Variants in FBXW8 observed in about 807,000 individuals in gnomAD.
FBXW8 encodes the protein F-box/WD repeat-containing protein 8.
Under a neutral mutation model 65.3 loss-of-function variants are expected in FBXW8, and 57 were observed. The observed-to-expected ratio is 0.87, with a 90% CI of 0.71 to 1.09. FBXW8 has a LOEUF of 1.09. Ranked by LOEUF, FBXW8 falls within the 50% of genes least tolerant of loss-of-function variation. The pLI is 0.00. For synonymous variants in FBXW8, 308 were observed against 330.2 expected (o/e 0.93, Z 0.73); for missense variants, 777 against 814.8 (o/e 0.95, Z 0.57).
intron 6 of FBXW8, 21 bp from the exon 7 acceptor site, chr12:116,988,642 A>G: frequency 1.2e-6 from 2 of 1,612,012 alleles, no homozygotes; most frequent in Non-Finnish European, 1.7e-6. Context: ...ATGGGACTAA[A>G]CAACTCTTAC....
At chr12:117,003,099 G>A (rs1384134759) in intron 7 of FBXW8, 1 of 152,178 alleles carries the variant, frequency 6.6e-6, no homozygotes, top group African/African-American at 2.4e-5. Flanking sequence ...CTGAATAAAA[G>A]TGTACCTGGC....
At chr12:116,948,784 TCA>T (rs981743675) in intron 3 of FBXW8, 1 of 152,240 alleles carries the variant, frequency 6.6e-6, no homozygotes, top group Non-Finnish European at 1.5e-5. Flanking sequence ...AGATAGGTTC[TCA>T]CTCTCTTGCC....
At chr12:116,991,588 G>A (rs1289399553) in intron 7 of FBXW8, among the ~76,000 whole-genome samples, 1 of 152,226 alleles carries the variant, frequency 6.6e-6, no homozygotes, top group Non-Finnish European at 1.5e-5. Flanking sequence ...TTAGGCTGGT[G>A]TGAGACTATT....
intron 4 of FBXW8, among the ~76,000 whole-genome samples, chr12:116,952,175 A>G (rs1448591054): frequency 6.6e-6 from 1 of 152,170 alleles, no homozygotes; most frequent in Non-Finnish European, 1.5e-5. Context: ...ACAGCGTTTT[A>G]GTCAATGATG....
intron 4 of FBXW8, among the ~76,000 whole-genome samples, chr12:116,953,358 G>A (rs1321037505): frequency 6.6e-6 from 1 of 152,206 alleles, no homozygotes; most frequent in Non-Finnish European, 1.5e-5. Flanking sequence ...TGTTTCTGCA[G>A]CATCCACAGG....
At chr12:116,957,767 G>T (rs769936493) in intron 4 of FBXW8, among the ~76,000 whole-genome samples, 1 of 152,146 alleles carries the variant, frequency 6.6e-6, no homozygotes, top group East Asian at 1.9e-4. Context: ...TAAGGAACTC[G>T]ATCATTACCC....
chr12:117,023,251 G>A (rs538429387), intron 8 of FBXW8, among the ~76,000 whole-genome samples: 11 of 152,324 alleles, frequency 7.2e-5, no homozygotes, highest in Admixed American at 6.5e-5. Context: ...TCAGACGTGC[G>A]TTTTTAATCT....
intron 1 of FBXW8, among the ~76,000 whole-genome samples, chr12:116,923,517 T>G (rs565626825): frequency 1.3e-5 from 2 of 151,932 alleles, no homozygotes; most frequent in African/African-American, 4.8e-5. Context: ...TGCAAAATTA[T>G]TTTCTTTTTT....
intron 7 of FBXW8, among the ~76,000 whole-genome samples, chr12:117,002,175 G>C (rs1953539201): frequency 6.6e-6 from 1 of 152,236 alleles, no homozygotes; most frequent in Admixed American, 6.5e-5. Context: ...GGCACTGCCT[G>C]CCCGGGAAGA....
At chr12:116,912,171 GT>G (rs57142470) in intron 1 of FBXW8, among the ~76,000 whole-genome samples, 85,991 of 130,948 alleles carry the variant, frequency 0.66, 28,886 homozygotes, top group Non-Finnish European at 0.76. Context: ...TTTTTTTCCT[GT>G]TTTTTTTTTT....
intron 7 of FBXW8, among the ~76,000 whole-genome samples, chr12:117,005,404 G>T (rs1418613398): frequency 6.6e-6 from 1 of 152,158 alleles, no homozygotes; most frequent in East Asian, 1.9e-4. Context: ...TGAATGATAG[G>T]ATCTCTGTCC....
chr12:117,001,264 C>T (rs1953513549), intron 7 of FBXW8, among the ~76,000 whole-genome samples: 1 of 152,170 alleles, frequency 6.6e-6, no homozygotes, highest in African/African-American at 2.4e-5. Flanking sequence ...ACCTGCTGCC[C>T]TCCACCAAAG....
At chr12:116,925,395 A>G (rs1230372551) in intron 1 of FBXW8, among the ~76,000 whole-genome samples, 2 of 152,210 alleles carry the variant, frequency 1.3e-5, no homozygotes, top group African/African-American at 2.4e-5. Flanking sequence ...TGCAGTATCT[A>G]TGGCAAGGAC....
At chr12:117,027,726 C>T (rs1954267802) in intron 10 of FBXW8, among the ~76,000 whole-genome samples, 1 of 152,360 alleles carries the variant, frequency 6.6e-6, no homozygotes, top group African/African-American at 2.4e-5. Flanking sequence ...GTCGGCTGTA[C>T]AGAGAGGGAG....
intron 3 of FBXW8, among the ~76,000 whole-genome samples, chr12:116,948,259 A>G (rs1445266866): frequency 1.3e-5 from 2 of 152,092 alleles, no homozygotes; most frequent in African/African-American, 2.4e-5. Flanking sequence ...TTTTCTTTCA[A>G]TACTTTTTCC....
At chr12:117,016,840 T>G (rs1247697261) in intron 8 of FBXW8, among the ~76,000 whole-genome samples, 1 of 152,238 alleles carries the variant, frequency 6.6e-6, no homozygotes, top group Non-Finnish European at 1.5e-5. Flanking sequence ...AACTTCATTC[T>G]TTTCCATGTG....
At chr12:116,920,845 T>C (rs1880842281) in intron 1 of FBXW8, among the ~76,000 whole-genome samples, 1 of 152,194 alleles carries the variant, frequency 6.6e-6, no homozygotes, top group African/African-American at 2.4e-5. Context: ...ACCCTTAATG[T>C]GAACATCTTT....
Position 116,910,960 on chromosome 12 carries a change from C to T in FBXW8, c.-78C>T, listed in dbSNP as rs1247840099. Reference sequence around the variant, plus strand: ...CGGCGGCAGCGGCTTCCGGCCGCGGCGGACACTTCCCTGGGCGGGACTGTC... The same window carrying T: ...CGGCGGCAGCGGCTTCCGGCCGCGGTGGACACTTCCCTGGGCGGGACTGTC... On this transcript the variant is annotated 5_prime_UTR_variant, in exon 1 of 11. Coordinates refer to ENST00000652555, the MANE Select transcript of FBXW8 (RefSeq NM_153348.3). The T allele has an allele frequency of 2.4e-5, 30 of 1,264,556 alleles. No homozygotes were observed. Among genetic ancestry groups the T allele is most frequent in the Middle Eastern group, 2.5e-4 (1 of 4,046 alleles). The allele number at this position is 1,264,556 out of a possible 1,614,324, so 78.3% of individuals were successfully genotyped here.
At chr12:116,921,760 A>G (rs1054849177) in intron 1 of FBXW8, among the ~76,000 whole-genome samples, 4 of 152,116 alleles carry the variant, frequency 2.6e-5, no homozygotes, top group Non-Finnish European at 5.9e-5. Context: ...GAAGAAAATA[A>G]AAGTCTTTAG....
Sources: gnomAD v4.1 joint callset for allele counts (sites outside exome capture counted in the v4.1 genomes callset) on GRCh38, gnomAD v4.1.1 for gene constraint, MANE v1.5 for transcripts, NCBI Gene and HGNC (gene_info 2026-07-23, HGNC 2026-07-21) for gene names.